The following DIP2C variants were observed in gnomAD, a reference collection of about 807,000 sequenced individuals.
DIP2C encodes disco-interacting protein 2 homolog C.
In DIP2C, 33 loss-of-function variants were observed where a neutral mutation model predicts 192.4. The ratio of observed to expected loss-of-function variants is 0.17; its 90% confidence interval spans 0.13 to 0.23. The LOEUF (loss-of-function observed/expected upper bound fraction) is 0.23. DIP2C is among the 10% of genes least tolerant of loss of function. The pLI, the probability that DIP2C is intolerant of heterozygous loss-of-function variation, is 1.00. For synonymous variants in DIP2C, 979 were observed against 864.1 expected (o/e 1.13, Z -2.33); for missense variants, 1,537 against 2,110.1 (o/e 0.73, Z 5.32).
intron 4 of DIP2C, among the ~76,000 whole-genome samples, chr10:426,641 C>T (rs1020261934): frequency 6.6e-6 from 1 of 152,262 alleles, no homozygotes; most frequent in Non-Finnish European, 1.5e-5. Flanking sequence ...GTAGTATTAG[C>T]AGAAGAATAG....
intron 1 of DIP2C, among the ~76,000 whole-genome samples, chr10:550,098 C>T (rs1046386472): frequency 1.3e-5 from 2 of 151,660 alleles, no homozygotes; most frequent in South Asian, 4.2e-4. Flanking sequence ...CAATCTCTGC[C>T]TCTCGGGTTC....
At chr10:414,137 C>T in intron 7 of DIP2C, 27 bp from the exon 8 acceptor site, 1 of 1,594,170 alleles carries the variant, frequency 6.3e-7, no homozygotes, top group South Asian at 1.1e-5. Flanking sequence ...CAAGAGGTTA[C>T]AAGAGAAATG....
intron 6 of DIP2C, among the ~76,000 whole-genome samples, chr10:417,676 ATAGGCCTCCCTGTCCGCCTGTGCCTGTCG>A (rs1965769442): frequency 1.4e-5 from 2 of 145,668 alleles, no homozygotes; most frequent in South Asian, 2.3e-4. Context: ...CAGGGCTCGG[ATAGGCCTCCCTGTCCGCCTGTGCCTGTCG>A]GCTCAAATAG....
At chr10:294,955 A>C (rs901950169) in intron 32 of DIP2C, among the ~76,000 whole-genome samples, 5 of 152,208 alleles carry the variant, frequency 3.3e-5, no homozygotes, top group Admixed American at 1.3e-4. Flanking sequence ...GAACTCAAAC[A>C]ACTCAACAGC....
chr10:675,233 T>C (rs1426277359), intron 1 of DIP2C, among the ~76,000 whole-genome samples: 1 of 152,044 alleles, frequency 6.6e-6, no homozygotes, highest in East Asian at 1.9e-4. Flanking sequence ...TAAAAATTTA[T>C]TGAAACAAAT....
intron 17 of DIP2C, among the ~76,000 whole-genome samples, chr10:373,219 T>A (rs539592015): frequency 1.5e-4 from 23 of 152,268 alleles, no homozygotes; most frequent in Admixed American, 1.2e-3. Flanking sequence ...CTTCTTTTTA[T>A]AAAAACTTAG....
chr10:281,441 G>A lies in DIP2C; in HGVS notation c.4295-118C>T, dbSNP rs919381626. 2.2e-6 allele frequency: 3 copies of A among 1,381,218 alleles called. No individual in the cohort carries two copies. In the African/African-American group the frequency reaches 4.4e-5, roughly 20 times the overall value. 85.6% of individuals were successfully genotyped at this position (1,381,218 alleles called of 1,614,324 possible). On this transcript the variant is annotated intron_variant, in intron 35 of 36. Transcript: ENST00000280886. Reference sequence around the variant, plus strand: ...AGTGAGACAGGGATGCAAAGGAAGGGGCTCACGGATCCAGGGACGTTTGTT... The same window carrying A: ...AGTGAGACAGGGATGCAAAGGAAGGAGCTCACGGATCCAGGGACGTTTGTT...
intron 22 of DIP2C, among the ~76,000 whole-genome samples, chr10:361,059 A>G (rs569421328): frequency 6.6e-6 from 1 of 152,336 alleles, no homozygotes; most frequent in African/African-American, 2.4e-5. Flanking sequence ...GGCCCTCAGC[A>G]GAGACGTAGG....
At chr10:386,949 C>T (rs938318776) in intron 14 of DIP2C, among the ~76,000 whole-genome samples, 10 of 152,142 alleles carry the variant, frequency 6.6e-5, no homozygotes, top group Admixed American at 2.0e-4. Context: ...TGCCCAAGCC[C>T]GGCACGTCAT....
At chr10:286,417 C>CA (rs1292345007) in intron 33 of DIP2C, 70 bp from the exon 34 acceptor site, 2 of 1,366,090 alleles carry the variant, frequency 1.5e-6, no homozygotes, top group Admixed American at 3.4e-5. Context: ...AAGCCAACCT[C>CA]AATCTCATCT....
chr10:614,759 C>A (rs1229895236), intron 1 of DIP2C, among the ~76,000 whole-genome samples: 1 of 152,260 alleles, frequency 6.6e-6, no homozygotes, highest in African/African-American at 2.4e-5. Context: ...TGGCTACGGG[C>A]TCCCTTGCCG....
intron 1 of DIP2C, among the ~76,000 whole-genome samples, chr10:646,460 G>A (rs1354549546): frequency 1.3e-5 from 2 of 152,212 alleles, no homozygotes; most frequent in African/African-American, 2.4e-5. Flanking sequence ...AAGAGGGGAC[G>A]GGTGGCGACC....
At position 689,358 on chromosome 10, in the gene DIP2C, G is replaced by T; in HGVS notation, c.85+136C>A. On this transcript the variant is annotated intron_variant, in intron 1 of 36. Coordinates refer to ENST00000280886, the MANE Select transcript of DIP2C (RefSeq NM_014974.3). This position sits in a 1 kb window ranked among gnomAD's most constrained non-coding sequence, Gnocchi z 6.1. ...CGGGGTCTGGGGGTCCGGGGGACGC[G>T]CACGCTCCGGGCTGGGGTCGCACCT... The T allele has an allele frequency of 2.7e-6, 1 of 366,046 alleles. No homozygotes were observed. The highest frequency in any genetic ancestry group is 3.8e-6 in the Non-Finnish European group (1 of 262,042). 22.7% of individuals were successfully genotyped at this position (366,046 alleles called of 1,614,324 possible).
At position 649,364 on chromosome 10, in the gene DIP2C, C is replaced by A. The variant is rs531527940; in HGVS notation, c.85+40130G>T. ...GAGAACAGGGAAACTGAGTCCACGT[C>A]CACATTTGAGGGTGGGAGGGAACAG... On this transcript the variant is annotated intron_variant, in intron 1 of 36. Coordinates refer to ENST00000280886, the MANE Select transcript of DIP2C (RefSeq NM_014974.3). Among the ~76,000 whole-genome samples the A allele has an allele frequency of 7.2e-5, 11 of 152,326 alleles. No individual in the cohort carries two copies. In the South Asian group the frequency reaches 2.3e-3, roughly 32 times the overall value.
intron 1 of DIP2C, among the ~76,000 whole-genome samples, chr10:568,407 C>T (rs895548449): frequency 6.6e-6 from 1 of 152,070 alleles, no homozygotes; most frequent in Non-Finnish European, 1.5e-5. Context: ...CAAAAAGAAA[C>T]GAATCATCCA....
intron 1 of DIP2C, among the ~76,000 whole-genome samples, chr10:655,430 CG>C (rs1256069945): frequency 2.6e-5 from 4 of 151,526 alleles, no homozygotes; most frequent in Non-Finnish European, 5.9e-5. Flanking sequence ...TTCCACACTA[CG>C]CTATGTAATA....
chr10:614,062 G>T (rs141044418), intron 1 of DIP2C, among the ~76,000 whole-genome samples: 1 of 152,294 alleles, frequency 6.6e-6, no homozygotes, highest in African/African-American at 2.4e-5. Context: ...AACAGCCAAC[G>T]CTCCCAGAAC....
rs541920677 is a variant in DIP2C at position 446,084 on chromosome 10, T to A, written c.269-5088A>T. Among the ~76,000 whole-genome samples the A allele has an allele frequency of 3.3e-5, 5 of 151,916 alleles. No homozygotes were observed. The South Asian group carries it at 1.0e-3, about 32-fold the overall frequency. On this transcript the variant is annotated intron_variant, in intron 3 of 36. Coordinates refer to ENST00000280886, the MANE Select transcript of DIP2C (RefSeq NM_014974.3). ...CAGGCCCACTGGGCATCTGTATACG[T>A]CTGTTGCAAAGAGTCTCATGGTCCA...
At chr10:676,425 G>C (rs978430164) in intron 1 of DIP2C, among the ~76,000 whole-genome samples, 1 of 151,242 alleles carries the variant, frequency 6.6e-6, no homozygotes, top group Admixed American at 6.6e-5. Context: ...AATCAGGCAA[G>C]AGAAAGAAAT....
Sources: gnomAD v4.1 joint callset for allele counts (sites outside exome capture counted in the v4.1 genomes callset) on GRCh38, gnomAD v4.1.1 for gene constraint, Gnocchi (gnomAD v3.1) non-coding constraint, MANE v1.5 for transcripts, NCBI Gene and HGNC (gene_info 2026-07-23, HGNC 2026-07-21) for gene names.